Variants in SH3BGR observed in about 807,000 individuals in gnomAD.
SH3BGR encodes the protein SH3 domain-binding glutamic acid-rich protein.
Under a neutral mutation model 24.5 loss-of-function variants are expected in SH3BGR, and 29 were observed. The ratio of observed to expected loss-of-function variants is 1.18; its 90% CI spans 0.88 to 1.61. The LOEUF is 1.61. SH3BGR is among the 40% of genes most tolerant of loss of function. The pLI, the probability that SH3BGR is intolerant of heterozygous loss-of-function variation, is 0.00. For synonymous variants in SH3BGR, 55 were observed against 65.7 expected (o/e 0.84, Z 0.79); for missense variants, 162 against 205.8 (o/e 0.79, Z 1.30).
rs374270072 is a variant in SH3BGR at position 39,481,391 on chromosome 21, TA to T, written c.312+6178del. 3.8e-4 allele frequency among the ~76,000 whole-genome samples: 58 copies of T among 152,294 alleles called. No individual in the cohort carries two copies. The East Asian group carries it at 0.01, about 27-fold the overall frequency. On this transcript the variant is annotated intron_variant, in intron 3 of 6. Coordinates refer to ENST00000333634, the MANE Select transcript of SH3BGR (RefSeq NM_007341.3). ...ATGAAATTCCAGCCATTAAAAAAAG[TA>T]ACTCATATAATAGCATTAATAGATG...
At chr21:39,450,013 C>T (rs900074723), upstream of SH3BGR, among the ~76,000 whole-genome samples, 1 of 152,170 alleles carries the variant, frequency 6.6e-6, no homozygotes, top group African/African-American at 2.4e-5. Flanking sequence ...GATGCGTATT[C>T]TCTAGAGCAC....
chr21:39,478,221 A>G (rs573517623), intron 3 of SH3BGR, among the ~76,000 whole-genome samples: 1 of 152,346 alleles, frequency 6.6e-6, no homozygotes, highest in South Asian at 2.1e-4. Flanking sequence ...TTTTAAAAAA[A>G]CAGTCCTGCT....
At chr21:39,472,956 C>T (rs1397500510) in intron 2 of SH3BGR, among the ~76,000 whole-genome samples, 1 of 152,150 alleles carries the variant, frequency 6.6e-6, no homozygotes, top group Non-Finnish European at 1.5e-5. Context: ...AGGATTCACG[C>T]TCTCACTGGC....
intron 3 of SH3BGR, among the ~76,000 whole-genome samples, chr21:39,492,479 TATAC>T (rs1197047057): frequency 4.4e-5 from 3 of 67,718 alleles, no homozygotes; most frequent in Non-Finnish European, 1.3e-4. Context: ...TATATATATA[TATAC>T]ACACACACAC....
chr21:39,465,330 C>T (rs1041754061), intron 2 of SH3BGR, among the ~76,000 whole-genome samples: 4 of 152,248 alleles, frequency 2.6e-5, no homozygotes, highest in Middle Eastern at 3.4e-3. Flanking sequence ...TTAATGTTCT[C>T]CTATTGCTGT....
intron 3 of SH3BGR, among the ~76,000 whole-genome samples, chr21:39,490,084 C>T (rs1239032246): frequency 6.6e-6 from 1 of 152,112 alleles, no homozygotes; most frequent in Non-Finnish European, 1.5e-5. Context: ...GATGGGAACC[C>T]ATGTATTGTG....
intron 2 of SH3BGR, among the ~76,000 whole-genome samples, chr21:39,466,814 G>T (rs2077851060): frequency 6.6e-6 from 1 of 152,110 alleles, no homozygotes; most frequent in Non-Finnish European, 1.5e-5. Context: ...ATGAAATTTG[G>T]GTGGGGACAC....
intron 3 of SH3BGR, among the ~76,000 whole-genome samples, chr21:39,483,227 T>C (rs960579323): frequency 2.0e-5 from 3 of 152,222 alleles, no homozygotes; most frequent in Non-Finnish European, 4.4e-5. Flanking sequence ...TGTGGAAAAG[T>C]TAGAGCAGAT....
At chr21:39,450,457 C>T (rs1209138118), upstream of SH3BGR, among the ~76,000 whole-genome samples, 1 of 152,120 alleles carries the variant, frequency 6.6e-6, no homozygotes, top group African/African-American at 2.4e-5. Context: ...CAGGCACCTA[C>T]CTGAGGGGGT....
intron 3 of SH3BGR, among the ~76,000 whole-genome samples, chr21:39,485,627 C>T (rs2078197625): frequency 6.6e-6 from 1 of 151,750 alleles, no homozygotes; most frequent in African/African-American, 2.4e-5. Context: ...CCATCTGCTT[C>T]TCAACAAAAG....
intron 6 of SH3BGR, among the ~76,000 whole-genome samples, chr21:39,512,384 G>C (rs79921681): frequency 6.6e-6 from 1 of 152,168 alleles, no homozygotes; most frequent in Non-Finnish European, 1.5e-5. Context: ...AAACACCGGG[G>C]AACATGGTGA....
intron 3 of SH3BGR, among the ~76,000 whole-genome samples, chr21:39,493,296 A>C (rs2078335699): frequency 6.6e-6 from 1 of 152,200 alleles, no homozygotes; most frequent in African/African-American, 2.4e-5. Flanking sequence ...ATATTTGTAT[A>C]AGGTGAGAGA....
At chr21:39,492,173 C>T (rs917579549) in intron 3 of SH3BGR, among the ~76,000 whole-genome samples, 1 of 151,960 alleles carries the variant, frequency 6.6e-6, no homozygotes, top group African/African-American at 2.4e-5. Flanking sequence ...TTTTGGTGCA[C>T]CCATCACCCA....
chr21:39,447,096 T>A (rs2077494314), upstream of SH3BGR: 1 of 152,166 alleles, frequency 6.6e-6, no homozygotes, highest in Non-Finnish European at 1.5e-5. Context: ...CCGTATAAGA[T>A]GGGTGCCGGT....
intron 1 of SH3BGR, among the ~76,000 whole-genome samples, chr21:39,455,853 G>A (rs543018178): frequency 6.6e-6 from 1 of 152,286 alleles, no homozygotes; most frequent in Admixed American, 6.5e-5. Context: ...GGATTACAGG[G>A]GGCAAACAGA....
At chr21:39,447,049 G>A (rs1569143202), upstream of SH3BGR, 3 of 151,866 alleles carry the variant, frequency 2.0e-5, no homozygotes, top group African/African-American at 7.3e-5. Context: ...GTTTTGGTGG[G>A]CCATGCATTT....
chr21:39,492,466 GTATATATATATA>G (rs575260270), intron 3 of SH3BGR, among the ~76,000 whole-genome samples: 1 of 139,730 alleles, frequency 7.2e-6, no homozygotes, highest in Non-Finnish European at 1.5e-5. Context: ...GTGTGTGTGT[GTATATATATATA>G]TATACACACA....
chr21:39,510,993 A>G (rs2078682206), intron 5 of SH3BGR, among the ~76,000 whole-genome samples: 1 of 145,726 alleles, frequency 6.9e-6, no homozygotes. Flanking sequence ...GTTTGTTAAT[A>G]TGAGTGGAGA....
chr21:39,455,444 G>A (rs898881651), intron 1 of SH3BGR, among the ~76,000 whole-genome samples: 1 of 152,248 alleles, frequency 6.6e-6, no homozygotes, highest in Non-Finnish European at 1.5e-5. Context: ...AAGAGTAGGA[G>A]TGTGTCCATG....
Sources: gnomAD v4.1 joint callset for allele counts (sites outside exome capture counted in the v4.1 genomes callset) on GRCh38, gnomAD v4.1.1 for gene constraint, MANE v1.5 for transcripts, NCBI Gene and HGNC (gene_info 2026-07-23, HGNC 2026-07-21) for gene names.